Variants in QTMAN observed in about 807,000 individuals in gnomAD.
QTMAN encodes tRNA-queuosine alpha-mannosyltransferase.
chr2:144,288,091 G>A, the QTMAN span, among the ~76,000 whole-genome samples: 1 of 151,760 alleles, frequency 6.6e-6, no homozygotes, highest in Non-Finnish European at 1.5e-5. Context: ...GGATGGTCTC[G>A]ATCTCTTGAC....
At chr2:144,309,686 T>C in the QTMAN span, among the ~76,000 whole-genome samples, 1 of 152,208 alleles carries the variant, frequency 6.6e-6, no homozygotes, top group Non-Finnish European at 1.5e-5. Flanking sequence ...AGTAGTTACA[T>C]CAATGTGTAA....
the QTMAN span, among the ~76,000 whole-genome samples, chr2:144,036,318 A>G: frequency 2.2e-4 from 34 of 152,336 alleles, no homozygotes; most frequent in Non-Finnish European, 4.4e-5. Flanking sequence ...TTGGCTGCAT[A>G]ATTATTACAT....
chr2:144,016,121 A>C, the QTMAN span, among the ~76,000 whole-genome samples: 2 of 152,206 alleles, frequency 1.3e-5, no homozygotes, highest in African/African-American at 2.4e-5. Flanking sequence ...TTCATTCAAA[A>C]AATATTTAAG....
the QTMAN span, among the ~76,000 whole-genome samples, chr2:144,313,116 T>C: frequency 6.6e-6 from 1 of 152,038 alleles, no homozygotes; most frequent in East Asian, 1.9e-4. Context: ...ATCCAAATCC[T>C]GGGCTGGAAA....
the QTMAN span, among the ~76,000 whole-genome samples, chr2:144,133,133 ATATATATATATATATATAAT>A: frequency 4.7e-3 from 210 of 44,516 alleles, 4 homozygotes; most frequent in African/African-American, 0.023. Flanking sequence ...ATATATATAT[ATATATATATATATATATAAT>A]ATAATATAAT....
chr2:144,019,939 C>T, the QTMAN span, among the ~76,000 whole-genome samples: 1 of 152,290 alleles, frequency 6.6e-6, no homozygotes, highest in South Asian at 2.1e-4. Flanking sequence ...TTTGTTCATT[C>T]CATGAGAAAG....
At chr2:144,051,303 G>A in the QTMAN span, among the ~76,000 whole-genome samples, 3 of 152,206 alleles carry the variant, frequency 2.0e-5, no homozygotes, top group Admixed American at 6.5e-5. Context: ...GGCCAAAGTA[G>A]GAGGACTACT....
the QTMAN span, among the ~76,000 whole-genome samples, chr2:144,242,764 C>T: frequency 6.6e-6 from 1 of 151,808 alleles, no homozygotes; most frequent in African/African-American, 2.4e-5. Context: ...GAGTTCGAGA[C>T]CAGCCTGGCC....
the QTMAN span, among the ~76,000 whole-genome samples, chr2:144,260,567 C>A: frequency 2.6e-5 from 4 of 152,158 alleles, no homozygotes; most frequent in African/African-American, 9.6e-5. Context: ...CATGCCCCCA[C>A]ATATTTCTGT....
At chr2:144,226,087 G>T in the QTMAN span, among the ~76,000 whole-genome samples, 1 of 152,174 alleles carries the variant, frequency 6.6e-6, no homozygotes, top group South Asian at 2.1e-4. Context: ...AAAATGAATT[G>T]TTCAGGTATT....
the QTMAN span, among the ~76,000 whole-genome samples, chr2:144,194,950 G>A: frequency 1.3e-5 from 2 of 151,928 alleles, no homozygotes; most frequent in Non-Finnish European, 2.9e-5. Context: ...AACAAAACCA[G>A]GTTGCAACAT....
the QTMAN span, among the ~76,000 whole-genome samples, chr2:144,160,219 G>A: frequency 2.1e-4 from 32 of 152,064 alleles, no homozygotes; most frequent in Non-Finnish European, 3.8e-4. Context: ...AGTGTCTCAT[G>A]CAAGAAAAAA....
At chr2:144,182,145 A>G in the QTMAN span, among the ~76,000 whole-genome samples, 2 of 152,222 alleles carry the variant, frequency 1.3e-5, no homozygotes, top group African/African-American at 4.8e-5. Context: ...GGCCTTTAAC[A>G]TTTCAGTCCA....
At chr2:144,235,617 C>T in the QTMAN span, 6 of 152,448 alleles carry the variant, frequency 3.9e-5, no homozygotes, top group African/African-American at 1.2e-4. Context: ...AGAAAATGCC[C>T]GCATATTGCC....
At chr2:144,113,901 A>G in the QTMAN span, among the ~76,000 whole-genome samples, 1 of 152,232 alleles carries the variant, frequency 6.6e-6, no homozygotes, top group African/African-American at 2.4e-5. Flanking sequence ...CATAGTTCTC[A>G]CCTATGTTTT....
chr2:144,121,813 G>A, the QTMAN span, among the ~76,000 whole-genome samples: 1 of 152,076 alleles, frequency 6.6e-6, no homozygotes, highest in South Asian at 2.1e-4. Flanking sequence ...TGCCAAAGAG[G>A]CCCAATATTT....
the QTMAN span, among the ~76,000 whole-genome samples, chr2:144,182,955 T>A: frequency 7.6e-6 from 1 of 131,534 alleles, no homozygotes; most frequent in African/African-American, 2.7e-5. Context: ...TGTCCATACA[T>A]AAGAACAGGA....
At chr2:144,010,922 C>T in the QTMAN span, among the ~76,000 whole-genome samples, 8 of 151,992 alleles carry the variant, frequency 5.3e-5, no homozygotes, top group Non-Finnish European at 1.2e-4. Flanking sequence ...AACTCCCTGA[C>T]GGTGTAATTT....
At chr2:144,157,981 A>C in the QTMAN span, among the ~76,000 whole-genome samples, 1 of 151,954 alleles carries the variant, frequency 6.6e-6, no homozygotes, top group African/African-American at 2.4e-5. Flanking sequence ...TTGAAATATC[A>C]CCATGTTTGT....
Sources: allele counts gnomAD v4.1 joint callset (sites outside exome capture counted in the v4.1 genomes callset), GRCh38; gene constraint gnomAD v4.1.1; transcripts MANE v1.5; gene names NCBI Gene and HGNC (gene_info 2026-07-23, HGNC 2026-07-21).